ELFN1: variants seen among roughly 807,000 people sequenced by gnomAD.
The protein encoded by ELFN1 is extracellular leucine rich repeat and fibronectin type III domain containing 1, also known as protein ELFN1.
In ELFN1, 6 loss-of-function variants were observed where a neutral mutation model predicts 7.6. The observed-to-expected ratio is 0.79, with a 90% CI of 0.43 to 1.56. ELFN1 has a LOEUF of 1.56. Ranked by LOEUF, ELFN1 falls within the 40% of genes most tolerant of loss-of-function variation. ELFN1 has a pLI of 0.01. For missense variants in ELFN1, 1,169 were observed against 1,232.2 expected, an observed-to-expected ratio of 0.95 and a Z score of 0.77; for synonymous variants, 657 against 588.1, an observed-to-expected ratio of 1.12 and a Z score of -1.70.
intron 3 of ELFN1, among the ~76,000 whole-genome samples, chr7:1,711,679 C>T (rs1299683673): frequency 6.6e-6 from 1 of 150,930 alleles, no homozygotes; most frequent in Non-Finnish European, 1.5e-5. Flanking sequence ...GTTTTCAGTT[C>T]TTCGTGTATT....
intron 1 of ELFN1, among the ~76,000 whole-genome samples, chr7:1,679,092 T>C (rs1778925446): frequency 6.6e-6 from 1 of 152,070 alleles, no homozygotes; most frequent in Non-Finnish European, 1.5e-5. Flanking sequence ...CTTGCAGGGA[T>C]GTTGGCACCT....
chr7:1,723,327 A>G (rs1271612532), intron 3 of ELFN1, among the ~76,000 whole-genome samples: 4 of 152,232 alleles, frequency 2.6e-5, no homozygotes, highest in African/African-American at 9.7e-5. Context: ...ATCGTGACAC[A>G]TTTTGTATAC....
At chr7:1,674,056 G>A (rs776948421) in intron 1 of ELFN1, among the ~76,000 whole-genome samples, 10 of 151,572 alleles carry the variant, frequency 6.6e-5, no homozygotes, top group African/African-American at 1.7e-4. Context: ...GTCAGGCGGC[G>A]AGGACCACTG....
intron 3 of ELFN1, among the ~76,000 whole-genome samples, chr7:1,737,682 C>G (rs977442426): frequency 6.6e-6 from 1 of 152,174 alleles, no homozygotes; most frequent in Non-Finnish European, 1.5e-5. Flanking sequence ...GCGCCAGCTC[C>G]TGCTTGAACA....
chr7:1,695,583 T>TA lies in ELFN1; in HGVS notation c.-456+7439dup, dbSNP rs978744857. Among the ~76,000 whole-genome samples, 1 of 151,610 alleles carries TA rather than the reference T, an allele frequency of 6.6e-6. No homozygotes were observed. The highest frequency in any genetic ancestry group is 1.5e-5 in the Non-Finnish European group (1 of 67,898). On this transcript the variant is annotated intron_variant, in intron 2 of 3. Transcript: ENST00000424383. The surrounding 1 kb of genome is among the most constrained non-coding windows in gnomAD (Gnocchi z 5.1). ...CAACATGGAGAAACCCCGTCTCTAC[T>TA]AAAAAATACAAAAATTAGCCGGGCG...
At chr7:1,713,757 G>C (rs903857763) in intron 3 of ELFN1, among the ~76,000 whole-genome samples, 1 of 152,286 alleles carries the variant, frequency 6.6e-6, no homozygotes, top group Admixed American at 6.5e-5. Flanking sequence ...GGGGAGGGGG[G>C]GGCGATGTCC....
At chr7:1,730,869 T>C (rs1780311141) in intron 3 of ELFN1, among the ~76,000 whole-genome samples, 1 of 152,196 alleles carries the variant, frequency 6.6e-6, no homozygotes, top group African/African-American at 2.4e-5. Context: ...ATTGTAATTA[T>C]TTGCTGACAA....
At position 1,691,346 on chromosome 7, in the gene ELFN1, G is replaced by A. The variant is rs1779159718; in HGVS notation, c.-456+3196G>A. On this transcript the variant is annotated intron_variant, in intron 2 of 3. Coordinates refer to ENST00000424383, the MANE Select transcript of ELFN1 (RefSeq NM_001128636.4). Reference sequence around the variant, plus strand: ...GGCTCTGCAGTCTCCACCCAAGGCTGCCACCTTCTGCTCTGCAGCCTTGGG... The same window carrying A: ...GGCTCTGCAGTCTCCACCCAAGGCTACCACCTTCTGCTCTGCAGCCTTGGG... Among the ~76,000 whole-genome samples the A allele has an allele frequency of 2.0e-5, 3 of 152,200 alleles. No individual in the cohort carries two copies. In the South Asian group the frequency reaches 6.2e-4, roughly 32 times the overall value.
At chr7:1,706,096 A>G (rs756180810) in intron 2 of ELFN1, among the ~76,000 whole-genome samples, 3 of 152,260 alleles carry the variant, frequency 2.0e-5, no homozygotes, top group Middle Eastern at 6.8e-3. Context: ...TCCACCGCGG[A>G]CCACATACAA....
intron 2 of ELFN1, among the ~76,000 whole-genome samples, chr7:1,704,123 G>A: frequency 6.6e-6 from 1 of 152,228 alleles, no homozygotes; most frequent in East Asian, 1.9e-4. Context: ...CCTGGCATTT[G>A]CCACAGGTGC....
intron 1 of ELFN1, among the ~76,000 whole-genome samples, chr7:1,681,660 C>G (rs1459045661): frequency 6.6e-6 from 1 of 152,224 alleles, no homozygotes; most frequent in Non-Finnish European, 1.5e-5. Context: ...TATTTAAATT[C>G]TTAACAAGCT....
chr7:1,670,213 C>A (rs990978178), upstream of ELFN1, among the ~76,000 whole-genome samples: 7 of 150,906 alleles, frequency 4.6e-5, no homozygotes, highest in East Asian at 2.0e-4. This position sits in a 1 kb window ranked among gnomAD's most constrained non-coding sequence, Gnocchi z 6.4. Flanking sequence ...AATTCCCCCC[C>A]GGCCGCGCGG....
rs1001749778 is a variant in ELFN1 at position 1,673,211 on chromosome 7, C to T, written c.-549+2857C>T. ...CTGGTGGTGGAGCCACTGCAGTGGACGATGGCGCCATCCATTCCAGCACCA... is the reference window on the plus strand; with the variant it reads ...CTGGTGGTGGAGCCACTGCAGTGGATGATGGCGCCATCCATTCCAGCACCA... On this transcript the variant is annotated intron_variant, in intron 1 of 3. Transcript: ENST00000424383. The surrounding 1 kb of genome is among the most constrained non-coding windows in gnomAD (Gnocchi z 4.7). Among the ~76,000 whole-genome samples, 57 of 152,100 alleles carry T rather than the reference C, an allele frequency of 3.7e-4. No individual in the cohort carries two copies. Among genetic ancestry groups the T allele is most frequent in the Non-Finnish European group, 6.9e-4 (47 of 67,986 alleles).
At chr7:1,676,479 A>C (rs1778873889) in intron 1 of ELFN1, among the ~76,000 whole-genome samples, 2 of 152,072 alleles carry the variant, frequency 1.3e-5, no homozygotes, top group Admixed American at 6.5e-5. Context: ...TCATGTGAGG[A>C]CGGGGGTGGA....
At chr7:1,732,484 GCCC>G (rs1780345382) in intron 3 of ELFN1, among the ~76,000 whole-genome samples, 1 of 152,166 alleles carries the variant, frequency 6.6e-6, no homozygotes, top group South Asian at 2.1e-4. Context: ...CCAGAAATCA[GCCC>G]GAGGGAATAG....
chr7:1,745,386 C>A lies in ELFN1; in HGVS notation c.790C>A (p.Arg264Ser). 6.5e-7 allele frequency: 1 copy of A among 1,538,928 alleles called. No homozygotes were observed. Among genetic ancestry groups the A allele is most frequent in the Non-Finnish European group, 8.7e-7 (1 of 1,145,802 alleles). The change falls in exon 4 of 4, where the codon CGT becomes AGT. Residue 264 changes from arginine to serine, a missense_variant. Physicochemically the swap from Arg to Ser is moderately radical, Grantham distance 110 (BLOSUM62 -1). This residue lies in a region of ELFN1 where 914 missense variants were observed against 872.6 expected (regional missense o/e 1.05). Coordinates refer to ENST00000424383, the MANE Select transcript of ELFN1 (RefSeq NM_001128636.4). ...CGCGGCTGAGGTGGTCGGGCCCCCACGTCCAGCATCCGGGCGCTCACAGCC... is the reference window on the plus strand; with the variant it reads ...CGCGGCTGAGGTGGTCGGGCCCCCAAGTCCAGCATCCGGGCGCTCACAGCC... ...SYAAEVVGPP[R>S]PASGRSQPGR... is the part of the protein sequence containing the mutation.
upstream of ELFN1, among the ~76,000 whole-genome samples, chr7:1,669,233 T>C (rs542873275): frequency 3.7e-4 from 57 of 152,334 alleles, no homozygotes; most frequent in African/African-American, 1.3e-3. Flanking sequence ...TGCCTTTGAA[T>C]TGAGTCAACT....
Position 1,744,420 on chromosome 7 carries a change from G to T in ELFN1, c.-177G>T. The T allele has an allele frequency of 1.5e-6, 1 of 680,780 alleles. No individual in the cohort carries two copies. Among genetic ancestry groups the T allele is most frequent in the Non-Finnish European group, 2.3e-6 (1 of 436,294 alleles). The allele number at this position is 680,780 out of a possible 1,614,324, so 42.2% of individuals were successfully genotyped here. Reference sequence around the variant, plus strand: ...AAGACGAGAGGCGGCCGGCCGTGAGGGAGGCGCCCTCCCTCCCCGCGCTTA... The same window carrying T: ...AAGACGAGAGGCGGCCGGCCGTGAGTGAGGCGCCCTCCCTCCCCGCGCTTA... On this transcript the variant is annotated 5_prime_UTR_variant, in exon 4 of 4. Transcript: ENST00000424383.
chr7:1,736,261 A>G (rs572070222), intron 3 of ELFN1, among the ~76,000 whole-genome samples: 1 of 151,908 alleles, frequency 6.6e-6, no homozygotes, highest in South Asian at 2.1e-4. Context: ...CTTTCCAACC[A>G]TCTCCCCGCC....
Sources: gnomAD v4.1 joint callset for allele counts (sites outside exome capture counted in the v4.1 genomes callset) on GRCh38, gnomAD v4.1.1 for gene constraint, gnomAD v4.1.1 regional missense constraint, Gnocchi (gnomAD v3.1) non-coding constraint, MANE v1.5 for transcripts, NCBI Gene and HGNC (gene_info 2026-07-23, HGNC 2026-07-21) for gene names.